Variants in TAS2R13 observed in about 807,000 individuals in gnomAD.
The protein encoded by TAS2R13 is taste receptor type 2 member 13.
For missense variants in TAS2R13, 384 were observed against 347.5 expected (o/e 1.11, Z -0.84); for synonymous variants, 129 against 125.5 (o/e 1.03, Z -0.19).
chr12:10,909,172 A>C lies in TAS2R13; in HGVS notation c.127T>G (p.Ser43Ala). 1 of 1,614,010 alleles carries C rather than the reference A, an allele frequency of 6.2e-7. No homozygotes were observed. Among genetic ancestry groups the C allele is most frequent in the Non-Finnish European group, 8.5e-7 (1 of 1,179,984 alleles). Residue 43 changes from serine (S) to alanine (A), a missense_variant, in exon 1 of 1, where the codon TCA (serine) becomes GCA (alanine). Physicochemically the swap from Ser to Ala is moderately conservative, Grantham distance 99. Transcript: ENST00000390677. ...IDWVSKRELS[S>A]VDKLLIILAI... ...AAGATAATGAGGAGTTTATCGACTG[A>C]GGACAGCTCTCTTTTACTGACCCAG...
Position 10,908,613 on chromosome 12 carries a change from T to G in TAS2R13, c.686A>C (p.Asn229Thr). 1 of 1,613,988 alleles carries G rather than the reference T, an allele frequency of 6.2e-7. No individual in the cohort carries two copies. The highest frequency in any genetic ancestry group is 1.3e-5 in the African/African-American group (1 of 75,048). The change falls in exon 1 of 1, where the codon AAT becomes ACT. Residue 229 changes from asparagine (N) to threonine (T), a missense_variant. Physicochemically the swap from Asn to Thr is moderately conservative, Grantham distance 65. Transcript: ENST00000390677. The part of the protein sequence containing the change: ...HRDPRTKVHT[N>T]ALKIVISFLL... Reference sequence around the variant, plus strand: ...GAATGAGATCACAATTTTCAAGGCATTTGTATGGACCTTGGTCCTGGGGTC... The same window carrying G: ...GAATGAGATCACAATTTTCAAGGCAGTTGTATGGACCTTGGTCCTGGGGTC...
In TAS2R13 at chr12:10,908,883, A is replaced by G. The variant is rs1285282885; in HGVS notation, c.416T>C (p.Val139Ala). 1.2e-6 allele frequency: 2 copies of G among 1,612,794 alleles called. No homozygotes were observed. Among genetic ancestry groups the G allele is most frequent in the Non-Finnish European group, 1.7e-6 (2 of 1,179,868 alleles). Residue 139 changes from valine (V) to alanine (A), a missense_variant, in exon 1 of 1, where the codon GTC becomes GCC. Coordinates refer to ENST00000390677, the MANE Select transcript of TAS2R13 (RefSeq NM_023920.2). ...VILMILLGTL[V>A]FLFLNLIQIN... ...TTGTATCAGATTTAAAAATAAGAAG[A>G]CCAAGGTTCCTAGCAGTATCATCAG...
Position 10,908,817 on chromosome 12 carries a change from C to A in TAS2R13, c.482G>T (p.Arg161Ile). ...HIKDWLDRYE[R>I]NTTWNFSMSD... ...CATACTGAAATTCCAAGTTGTGTTTCTTTCATATCGGTCCAGCCAGTCTTT... is the reference window on the plus strand; with the variant it reads ...CATACTGAAATTCCAAGTTGTGTTTATTTCATATCGGTCCAGCCAGTCTTT... Residue 161 changes from arginine (R) to isoleucine (I), a missense_variant, in exon 1 of 1, where the codon AGA (arginine) becomes ATA (isoleucine). Transcript: ENST00000390677. The A allele has an allele frequency of 6.2e-7, 1 of 1,613,836 alleles. No homozygotes were observed. Among genetic ancestry groups the A allele is most frequent in the Non-Finnish European group, 8.5e-7 (1 of 1,179,920 alleles).
At position 10,908,096 on chromosome 12, in the gene TAS2R13, T is replaced by C. The variant is rs1015442; in HGVS notation, c.*291A>G. 0.54 allele frequency: 168,533 copies of C among 313,468 alleles called. 48,929 individuals are homozygous for C. Among genetic ancestry groups the C allele is most frequent in the East Asian group, 0.73 (13,625 of 18,636 alleles). The allele number at this position is 313,468 out of a possible 1,614,324, so 19.4% of individuals were successfully genotyped here. ...CAAACAAAAGATTGTAGATTTACAA[T>C]TAACATCTAAGTATGCTGTAGTATA... On this transcript the variant is annotated 3_prime_UTR_variant, in exon 1 of 1. Transcript: ENST00000390677.
Position 10,909,532 on chromosome 12 carries a change from C to T in TAS2R13, c.-234G>A, listed in dbSNP as rs1949864532. The T allele has an allele frequency of 8.8e-6, 4 of 455,742 alleles. No individual in the cohort carries two copies. Among genetic ancestry groups the T allele is most frequent in the Non-Finnish European group, 1.2e-5 (3 of 253,378 alleles). The allele number at this position is 455,742 out of a possible 1,614,324, so 28.2% of individuals were successfully genotyped here. A position where few individuals can be genotyped will look rare whatever the true frequency, so the allele number is the denominator to read the frequency against. On this transcript the variant is annotated 5_prime_UTR_variant, in exon 1 of 1. Transcript: ENST00000390677. ...CTTCAATTTCTCTGCTGAGCCCTAG[C>T]TAAGATATTTATGTCTTCACCATGG...
At position 10,909,077 on chromosome 12, in the gene TAS2R13, G is replaced by A. The variant is rs923916867; in HGVS notation, c.222C>T (p.Ala74=). 4.3e-6 allele frequency: 7 copies of A among 1,613,394 alleles called. No homozygotes were observed. The African/African-American group carries it at 9.3e-5, about 22-fold the overall frequency. Reference sequence around the variant, plus strand: ...TTAATCCTGTTCCAGACACAAATATGGCTAGATAATGCAGAGCTAAAAACC... The same window carrying A: ...TTAATCCTGTTCCAGACACAAATATAGCTAGATAATGCAGAGCTAAAAACC... ...VSWFLALHYL[A]IFVSGTGLRI... is the part of the protein sequence containing the mutation. The change falls in exon 1 of 1, where the codon GCC becomes GCT. Residue 74 remains alanine (A), a synonymous_variant. Coordinates refer to ENST00000390677, the MANE Select transcript of TAS2R13 (RefSeq NM_023920.2).
chr12:10,908,852 G>A lies in TAS2R13; in HGVS notation c.447C>T (p.Asn149=). ...VFLFLNLIQI[N]MHIKDWLDRY... is the part of the protein sequence containing the mutation. ...GGTCCAGCCAGTCTTTTATATGCATGTTTATTTGTATCAGATTTAAAAATA... is the reference window on the plus strand; with the variant it reads ...GGTCCAGCCAGTCTTTTATATGCATATTTATTTGTATCAGATTTAAAAATA... The change falls in exon 1 of 1, where the codon AAC becomes AAT. Residue 149 remains asparagine (N), a synonymous_variant. Transcript: ENST00000390677. The A allele has an allele frequency of 3.1e-6, 5 of 1,613,254 alleles. No individual in the cohort carries two copies. The highest frequency in any genetic ancestry group is 1.7e-5 in the Admixed American group (1 of 59,938).
At position 10,908,677 on chromosome 12, in the gene TAS2R13, G is replaced by A. The variant is rs769858966; in HGVS notation, c.622C>T (p.His208Tyr). The change falls in exon 1 of 1, where the codon CAT becomes TAT. Residue 208 changes from histidine (H) to tyrosine (Y), a missense_variant. Coordinates refer to ENST00000390677, the MANE Select transcript of TAS2R13 (RefSeq NM_023920.2). ...TAATTGAGTTGCATTTTCTGGAGAT[G>A]TTTCTGCAGGGAGAAAATTAACAGG... ...FLLLIFSLQK[H>Y]LQKMQLNYKG... 11 of 1,613,776 alleles carry A rather than the reference G, an allele frequency of 6.8e-6. No individual in the cohort carries two copies. The African/African-American group carries it at 1.1e-4, about 16-fold the overall frequency.
rs1486693163 is a variant in TAS2R13, at chr12:10,909,110, T to C, written c.189A>G (p.Leu63=). The C allele has an allele frequency of 6.2e-7, 1 of 1,613,744 alleles. No homozygotes were observed. The highest frequency in any genetic ancestry group is 1.1e-5 in the South Asian group (1 of 91,076). The part of the protein sequence containing the change: ...ISRIGLIWEI[L]VSWFLALHYL... Reference sequence around the variant, plus strand: ...AATGCAGAGCTAAAAACCAACTTACTAATATTTCCCAGATCAGCCCAATTC... The same window carrying C: ...AATGCAGAGCTAAAAACCAACTTACCAATATTTCCCAGATCAGCCCAATTC... The change falls in exon 1 of 1, where the codon TTA becomes TTG. Residue 63 remains leucine, a synonymous_variant. Transcript: ENST00000390677.
the TAS2R13 span, chr12:10,908,927 C>T: frequency 6.2e-7 from 1 of 1,613,216 alleles, no homozygotes; most frequent in African/African-American, 1.3e-5. Flanking sequence ...TGTTTACTCT[C>T]CACTTCAAAT....
rs1949846009 is a variant in TAS2R13 at position 10,908,738 on chromosome 12, A to G, written c.561T>C (p.Ser187=). The G allele has an allele frequency of 1.9e-6, 3 of 1,613,942 alleles. No individual in the cohort carries two copies. Among genetic ancestry groups the G allele is most frequent in the Non-Finnish European group, 8.5e-7 (1 of 1,179,904 alleles). ...TGAAGGCCACAGTAAATGGTGTTAG[A>G]CTGAACATAGTCATAGTGAATTTGA... is the stretch of plus-strand genomic sequence containing the variant. ...VSVKFTMTMF[S]LTPFTVAFIS... The change falls in exon 1 of 1, where the codon AGT becomes AGC. Residue 187 remains serine, a synonymous_variant. Transcript: ENST00000390677.
In TAS2R13 at chr12:10,908,044, A is replaced by G. The variant is rs1280695870; in HGVS notation, c.*343T>C. 1 of 220,392 alleles carries G rather than the reference A, an allele frequency of 4.5e-6. No individual in the cohort carries two copies. The highest frequency in any genetic ancestry group is 8.8e-6 in the Non-Finnish European group (1 of 114,050). 13.7% of individuals were successfully genotyped at this position (220,392 alleles called of 1,614,324 possible). A position where few individuals can be genotyped will look rare whatever the true frequency, so the allele number is the denominator to read the frequency against. ...ATTACCTAAATCACCCATCTCAATGAATGATTTAGAATTGAAGAGCCATTG... is the reference window on the plus strand; with the variant it reads ...ATTACCTAAATCACCCATCTCAATGGATGATTTAGAATTGAAGAGCCATTG... On this transcript the variant is annotated 3_prime_UTR_variant, in exon 1 of 1. Coordinates refer to ENST00000390677, the MANE Select transcript of TAS2R13 (RefSeq NM_023920.2).
At position 10,907,959 on chromosome 12, in the gene TAS2R13, T is replaced by A. The variant is rs1949830125; in HGVS notation, c.*428A>T. 6.2e-6 allele frequency: 1 copy of A among 160,388 alleles called. No homozygotes were observed. The highest frequency in any genetic ancestry group is 2.4e-5 in the African/African-American group (1 of 41,608). The allele number at this position is 160,388 out of a possible 1,614,324, so 9.9% of individuals were successfully genotyped here. ...CAAACTTCCCTAATTCTATTCCAAA[T>A]AACTGTTCTAATTATCTGTAGCTCA... is the stretch of plus-strand genomic sequence containing the variant. On this transcript the variant is annotated 3_prime_UTR_variant, in exon 1 of 1. Coordinates refer to ENST00000390677, the MANE Select transcript of TAS2R13 (RefSeq NM_023920.2).
chr12:10,908,066 A>C lies in TAS2R13; in HGVS notation c.*321T>G. On this transcript the variant is annotated 3_prime_UTR_variant, in exon 1 of 1. Coordinates refer to ENST00000390677, the MANE Select transcript of TAS2R13 (RefSeq NM_023920.2). ...ATGAATGATTTAGAATTGAAGAGCCATTGCCAAACAAAAGATTGTAGATTT... is the reference window on the plus strand; with the variant it reads ...ATGAATGATTTAGAATTGAAGAGCCCTTGCCAAACAAAAGATTGTAGATTT... The C allele has an allele frequency of 3.9e-6, 1 of 253,314 alleles. No homozygotes were observed. The allele number at this position is 253,314 out of a possible 1,614,324, so 15.7% of individuals were successfully genotyped here. A position where few individuals can be genotyped will look rare whatever the true frequency, so the allele number is the denominator to read the frequency against.
In TAS2R13 at chr12:10,908,338, C is replaced by T. The variant is rs531973333; in HGVS notation, c.*49G>A. On this transcript the variant is annotated 3_prime_UTR_variant, in exon 1 of 1. Coordinates refer to ENST00000390677, the MANE Select transcript of TAS2R13 (RefSeq NM_023920.2). Reference sequence around the variant, plus strand: ...CCTTGTAGACTCCTGTTTCTGTCTGCAATATTCAATAATCTGTGGTCTGAA... The same window carrying T: ...CCTTGTAGACTCCTGTTTCTGTCTGTAATATTCAATAATCTGTGGTCTGAA... The T allele has an allele frequency of 7.2e-6, 11 of 1,521,884 alleles. No individual in the cohort carries two copies. The African/African-American group carries it at 8.3e-5, about 12-fold the overall frequency. The allele number at this position is 1,521,884 out of a possible 1,614,324, so 94.3% of individuals were successfully genotyped here.
chr12:10,908,827 G>A, the TAS2R13 span: 5 of 1,613,502 alleles, frequency 3.1e-6, no homozygotes, highest in Admixed American at 1.7e-5. Flanking sequence ...CTTTCATATC[G>A]GTCCAGCCAG....
rs756458045 is a variant in TAS2R13 at position 10,908,352 on chromosome 12, C to CTGTGGTCTGAA, written c.*24_*34dup. 2 of 1,566,716 alleles carry CTGTGGTCTGAA rather than the reference C, an allele frequency of 1.3e-6. No individual in the cohort carries two copies. Among genetic ancestry groups the CTGTGGTCTGAA allele is most frequent in the Non-Finnish European group, 1.7e-6 (2 of 1,156,774 alleles). ...GTTTCTGTCTGCAATATTCAATAAT[C>CTGTGGTCTGAA]TGTGGTCTGAATGGCTTATGAAATT... is the stretch of plus-strand genomic sequence containing the variant. On this transcript the variant is annotated 3_prime_UTR_variant, in exon 1 of 1. Transcript: ENST00000390677.
At position 10,909,236 on chromosome 12, in the gene TAS2R13, A is replaced by C. The variant is rs1274393999; in HGVS notation, c.63T>G (p.Asn21Lys). 9 of 1,613,660 alleles carry C rather than the reference A, an allele frequency of 5.6e-6. No homozygotes were observed. The highest frequency in any genetic ancestry group is 5.9e-6 in the Non-Finnish European group (7 of 1,179,860). The change falls in exon 1 of 1, where the codon AAT (asparagine) becomes AAG (lysine). Residue 21 changes from asparagine (N) to lysine (K), a missense_variant. Asn to Lys is a moderately conservative substitution (Grantham distance 94). Transcript: ENST00000390677. The part of the protein sequence containing the change: ...LVIIAEFIIG[N>K]LSNGFIVLIN... ...TCAGTACTATAAATCCATTGCTCAA[A>C]TTCCCAATTATGAATTCTGCAATTA...
rs1250402651 is a variant in TAS2R13, at chr12:10,908,732, T to C, written c.567A>G (p.Thr189=). The C allele has an allele frequency of 1.2e-6, 2 of 1,613,724 alleles. No individual in the cohort carries two copies. The highest frequency in any genetic ancestry group is 3.3e-5 in the Admixed American group (2 of 59,950). ...VKFTMTMFSL[T]PFTVAFISFL... The stretch of plus-strand genomic sequence containing the variant: ...AAGAGATGAAGGCCACAGTAAATGG[T>C]GTTAGACTGAACATAGTCATAGTGA... The change falls in exon 1 of 1, where the codon ACA becomes ACG. Residue 189 remains threonine (T), a synonymous_variant. Coordinates refer to ENST00000390677, the MANE Select transcript of TAS2R13 (RefSeq NM_023920.2).
Sources: allele counts gnomAD v4.1 joint callset, GRCh38; gene constraint gnomAD v4.1.1; transcripts MANE v1.5; gene names NCBI Gene and HGNC (gene_info 2026-07-23, HGNC 2026-07-21).